Variants in MYRIP observed in about 807,000 individuals in gnomAD.
The protein encoded by MYRIP is rab effector MyRIP.
Under a neutral mutation model 98.0 loss-of-function variants are expected in MYRIP, and 49 were observed. That is an observed-to-expected ratio of 0.50 (90% CI 0.40 to 0.63). The LOEUF (loss-of-function observed/expected upper bound fraction) is 0.63. MYRIP is among the 30% of genes least tolerant of loss of function. MYRIP has a pLI of 0.00. For missense variants in MYRIP, 1,004 were observed against 1,058.2 expected (o/e 0.95, Z 0.71); for synonymous variants, 404 against 409.5 (o/e 0.99, Z 0.16).
intron 3 of MYRIP, among the ~76,000 whole-genome samples, chr3:40,100,830 T>C (rs1290320408): frequency 6.6e-6 from 1 of 152,196 alleles, no homozygotes; most frequent in Non-Finnish European, 1.5e-5. Context: ...CATGATACTA[T>C]ATCCATCACC....
intron 2 of MYRIP, among the ~76,000 whole-genome samples, chr3:40,000,256 AT>A (rs1245447214): frequency 1.3e-5 from 2 of 152,232 alleles, no homozygotes; most frequent in African/African-American, 4.8e-5. Flanking sequence ...ATGAATGTAT[AT>A]ACCTTGATTA....
intron 3 of MYRIP, among the ~76,000 whole-genome samples, chr3:40,066,227 C>A (rs1948124398): frequency 6.6e-6 from 1 of 152,140 alleles, no homozygotes. Context: ...CAACTTGCAA[C>A]TTTTTACTGC....
chr3:39,992,045 G>A (rs1379787856), intron 2 of MYRIP, among the ~76,000 whole-genome samples: 1 of 152,156 alleles, frequency 6.6e-6, no homozygotes, highest in Non-Finnish European at 1.5e-5. Flanking sequence ...GTTGAGGAGA[G>A]ATTGAACAAA....
At chr3:39,819,621 C>T in intron 1 of MYRIP, among the ~76,000 whole-genome samples, 1 of 152,130 alleles carries the variant, frequency 6.6e-6, no homozygotes, top group East Asian at 1.9e-4. Flanking sequence ...TATTAACACC[C>T]TAATGTGAAT....
chr3:40,238,918 T>C (rs1952907352), intron 12 of MYRIP, among the ~76,000 whole-genome samples: 1 of 152,168 alleles, frequency 6.6e-6, no homozygotes, highest in Non-Finnish European at 1.5e-5. Flanking sequence ...TTTTTATTTA[T>C]TATTATACTT....
chr3:40,159,986 C>T (rs1950345604), intron 4 of MYRIP, among the ~76,000 whole-genome samples: 1 of 152,206 alleles, frequency 6.6e-6, no homozygotes, highest in Non-Finnish European at 1.5e-5. Context: ...AAGCCTTCTT[C>T]TCTCAGGTCG....
At chr3:39,998,041 A>C (rs958944525) in intron 2 of MYRIP, among the ~76,000 whole-genome samples, 2 of 152,196 alleles carry the variant, frequency 1.3e-5, no homozygotes, top group Non-Finnish European at 2.9e-5. Context: ...TCTCAAAATA[A>C]TAAGAGCTAT....
intron 3 of MYRIP, among the ~76,000 whole-genome samples, chr3:40,118,834 T>G (rs543288966): frequency 1.3e-5 from 2 of 152,054 alleles, no homozygotes; most frequent in African/African-American, 4.8e-5. Context: ...TTCCCACCTA[T>G]GAGTGAGAAC....
At chr3:40,100,627 G>A (rs368246792) in intron 3 of MYRIP, among the ~76,000 whole-genome samples, 3 of 152,230 alleles carry the variant, frequency 2.0e-5, no homozygotes, top group Admixed American at 6.5e-5. Flanking sequence ...TGCTGCAGAT[G>A]TGCTATCTCT....
At chr3:40,026,383 ATG>A (rs1947130029) in intron 2 of MYRIP, among the ~76,000 whole-genome samples, 1 of 35,312 alleles carries the variant, frequency 2.8e-5, no homozygotes, top group African/African-American at 6.0e-5. Flanking sequence ...GTTCAAACAC[ATG>A]TTTTACAATC....
intron 1 of MYRIP, among the ~76,000 whole-genome samples, chr3:39,856,040 A>T (rs1229903317): frequency 6.6e-6 from 1 of 152,160 alleles, no homozygotes; most frequent in African/African-American, 2.4e-5. Context: ...TATTTTGTGC[A>T]ACTCCCTAAA....
At chr3:39,988,951 T>G (rs537545929) in intron 2 of MYRIP, among the ~76,000 whole-genome samples, 5 of 152,092 alleles carry the variant, frequency 3.3e-5, no homozygotes, top group African/African-American at 9.6e-5. Context: ...TTGCATTGGG[T>G]TAGAACATGC....
chr3:39,851,583 A>G (rs1374081607), intron 1 of MYRIP, among the ~76,000 whole-genome samples: 1 of 152,218 alleles, frequency 6.6e-6, no homozygotes, highest in East Asian at 1.9e-4. Context: ...CACCTTCACC[A>G]TGTTCACTTC....
At chr3:39,815,105 T>C (rs186391945) in intron 1 of MYRIP, among the ~76,000 whole-genome samples, 177 of 152,310 alleles carry the variant, frequency 1.2e-3, no homozygotes, top group Non-Finnish European at 2.1e-3. Flanking sequence ...ACAATCTAAT[T>C]TTAGAATATT....
intron 2 of MYRIP, among the ~76,000 whole-genome samples, chr3:40,003,789 T>G (rs774476629): frequency 2.6e-5 from 4 of 152,198 alleles, no homozygotes; most frequent in Non-Finnish European, 4.4e-5. Context: ...TCCGAAAAGC[T>G]TATACTATCA....
intron 3 of MYRIP, among the ~76,000 whole-genome samples, chr3:40,072,647 G>A (rs1027429251): frequency 4.6e-5 from 7 of 152,000 alleles, no homozygotes; most frequent in Non-Finnish European, 8.8e-5. Context: ...GGGTTATTTA[G>A]CAGTGTGTTT....
intron 11 of MYRIP, among the ~76,000 whole-genome samples, chr3:40,218,653 T>C (rs867288072): frequency 1.8e-3 from 237 of 132,132 alleles, no homozygotes; most frequent in Middle Eastern, 8.0e-3. Flanking sequence ...TATATATATA[T>C]ATACATACAC....
At chr3:39,981,985 G>A (rs1945907942) in intron 2 of MYRIP, among the ~76,000 whole-genome samples, 1 of 152,106 alleles carries the variant, frequency 6.6e-6, no homozygotes, top group Non-Finnish European at 1.5e-5. Flanking sequence ...TCCTAAAAGA[G>A]GAAGTGGACC....
rs1173106614 is a variant in MYRIP at position 39,835,043 on chromosome 3, G to A, written c.-31+25127G>A. On this transcript the variant is annotated intron_variant, in intron 1 of 16. Transcript: ENST00000302541. ...GGGTGAATTTATTCTCTACTTCCATGTCAATAAGAATGGATGAATTCCTTA... is the reference window on the plus strand; with the variant it reads ...GGGTGAATTTATTCTCTACTTCCATATCAATAAGAATGGATGAATTCCTTA... 1.3e-5 allele frequency among the ~76,000 whole-genome samples: 2 copies of A among 152,108 alleles called. 1 individual carries two copies. The highest frequency in any genetic ancestry group is 2.9e-5 in the Non-Finnish European group (2 of 68,010).
Sources: gnomAD v4.1 joint callset for allele counts (sites outside exome capture counted in the v4.1 genomes callset) on GRCh38, gnomAD v4.1.1 for gene constraint, MANE v1.5 for transcripts, NCBI Gene and HGNC (gene_info 2026-07-23, HGNC 2026-07-21) for gene names.